Variants in FBN1 observed in about 807,000 individuals in gnomAD.
The protein encoded by FBN1 is fibrillin-1.
In FBN1, 29 loss-of-function variants were observed where a neutral mutation model predicts 365.1. The ratio of observed to expected loss-of-function variants is 0.08; its 90% CI spans 0.06 to 0.11. The LOEUF is 0.11. FBN1 is among the 10% of genes least tolerant of loss of function. FBN1 has a pLI of 1.00. For missense variants in FBN1, 2,476 were observed against 3,703.2 expected, an observed-to-expected ratio of 0.67 and a Z score of 8.60; for synonymous variants, 1,210 against 1,270.5, an observed-to-expected ratio of 0.95 and a Z score of 1.01.
intron 2 of FBN1, among the ~76,000 whole-genome samples, chr15:48,629,027 G>A (rs1472730781): frequency 6.6e-6 from 1 of 152,210 alleles, no homozygotes; most frequent in Non-Finnish European, 1.5e-5. Flanking sequence ...TCACTGGACT[G>A]CAAGAAACTC....
chr15:48,565,071 G>A (rs1410179366), intron 6 of FBN1, among the ~76,000 whole-genome samples: 3 of 152,094 alleles, frequency 2.0e-5, no homozygotes, highest in Admixed American at 6.6e-5. Context: ...ATAATTCATT[G>A]GGGGATATCA....
chr15:48,621,861 G>T (rs899352686), intron 2 of FBN1, among the ~76,000 whole-genome samples: 3 of 151,796 alleles, frequency 2.0e-5, no homozygotes, highest in Admixed American at 6.5e-5. Flanking sequence ...AGCCGGGCGT[G>T]GTGGCGGGCG....
At chr15:48,437,184 A>C in intron 52 of FBN1, 107 bp from the exon 53 acceptor site, 1 of 1,104,794 alleles carries the variant, frequency 9.1e-7, no homozygotes, top group Non-Finnish European at 1.4e-6. Context: ...TAATGCAATA[A>C]TATAATTGCT....
Position 48,437,064 on chromosome 15 carries a change from G to A in FBN1, c.6393C>T (p.Cys2131=), listed in dbSNP as rs61730051. The change falls in exon 53 of 66, where the codon TGC becomes TGT. Residue 2131 remains cysteine (C), a synonymous_variant. Coordinates refer to ENST00000316623, the MANE Select transcript of FBN1 (RefSeq NM_000138.5). ...CATGTTTACAGACATCGGGTTCTTT[G>A]CATTCGTCCATATCTTAAGCAAGAG... ...PDDSAVDMDE[C]KEPDVCKHGQ... 1,384 of 1,610,894 alleles carry A rather than the reference G, an allele frequency of 8.6e-4. 9 individuals are homozygous for A. The African/African-American group carries it at 0.017, about 20-fold the overall frequency.
chr15:48,553,503 G>A (rs776464360), intron 6 of FBN1, among the ~76,000 whole-genome samples: 3 of 152,152 alleles, frequency 2.0e-5, no homozygotes, highest in South Asian at 2.1e-4. Context: ...ATAGGGTAAC[G>A]GTACTGACAC....
At position 48,468,110 on chromosome 15, in the gene FBN1, C is replaced by G. The variant is rs910464222; in HGVS notation, c.4583-8G>C. On this transcript the variant is annotated splice_polypyrimidine_tract_variant and splice_region_variant and intron_variant, in intron 37 of 65. Transcript: ENST00000316623. ...AATTTCCAGAGCGGGTATCTATTTA[C>G]CATATACAAACACAAAAGCATCAGG... 3.1e-6 allele frequency: 5 copies of G among 1,613,862 alleles called. No individual in the cohort carries two copies. The highest frequency in any genetic ancestry group is 1.7e-6 in the Non-Finnish European group (2 of 1,179,944).
intron 2 of FBN1, among the ~76,000 whole-genome samples, chr15:48,638,475 T>C (rs1359087465): frequency 6.6e-6 from 1 of 152,250 alleles, no homozygotes; most frequent in African/African-American, 2.4e-5. Context: ...CTAGTTTATG[T>C]CCCTGGAGTA....
rs1168629711 is a variant in FBN1 at position 48,534,210 on chromosome 15, C to CA, written c.737-6dup. Reference sequence around the variant, plus strand: ...TGGCCTGGCATTCATCCACATCTGTCAGATTACAGAAGACAGAGAGAAAAA... The same window carrying CA: ...TGGCCTGGCATTCATCCACATCTGTCAAGATTACAGAAGACAGAGAGAAAAA... On this transcript the variant is annotated splice_polypyrimidine_tract_variant and splice_region_variant and intron_variant, in intron 7 of 65. Transcript: ENST00000316623. 1.9e-6 allele frequency: 3 copies of CA among 1,605,758 alleles called. No homozygotes were observed. The African/African-American group carries it at 4.1e-5, about 22-fold the overall frequency.
chr15:48,540,323 C>T (rs922429987), intron 6 of FBN1, among the ~76,000 whole-genome samples: 7 of 151,952 alleles, frequency 4.6e-5, no homozygotes, highest in Admixed American at 3.3e-4. Context: ...TATTATCGTA[C>T]GTAAGATTTT....
At chr15:48,585,081 A>G (rs959920357) in intron 6 of FBN1, among the ~76,000 whole-genome samples, 11 of 152,240 alleles carry the variant, frequency 7.2e-5, no homozygotes, top group African/African-American at 2.7e-4. Flanking sequence ...CAAATGGTTC[A>G]TGAAGAGCTA....
chr15:48,413,186 C>T (rs1398874050), intron 64 of FBN1, among the ~76,000 whole-genome samples: 1 of 152,206 alleles, frequency 6.6e-6, no homozygotes, highest in Non-Finnish European at 1.5e-5. Context: ...CTTGCATTCT[C>T]CCACTTCCAT....
At chr15:48,455,578 C>G (rs2043232651) in intron 44 of FBN1, among the ~76,000 whole-genome samples, 1 of 152,190 alleles carries the variant, frequency 6.6e-6, no homozygotes, top group Admixed American at 6.5e-5. Flanking sequence ...CACATCCATG[C>G]TTCCTCTCCA....
intron 6 of FBN1, among the ~76,000 whole-genome samples, chr15:48,577,809 T>C (rs1017679949): frequency 6.6e-6 from 1 of 152,208 alleles, no homozygotes; most frequent in Admixed American, 6.5e-5. Flanking sequence ...AGCCAGCTAA[T>C]AGGGCATGAT....
chr15:48,559,013 T>C (rs563680828), intron 6 of FBN1, among the ~76,000 whole-genome samples: 1 of 152,294 alleles, frequency 6.6e-6, no homozygotes, highest in Admixed American at 6.5e-5. Flanking sequence ...AAGTTCAGAC[T>C]AGGAAGCAGG....
chr15:48,415,483 T>C, intron 64 of FBN1, 53 bp downstream of exon 64: 1 of 1,345,072 alleles, frequency 7.4e-7, no homozygotes, highest in East Asian at 2.3e-5. Context: ...GTATACTTAA[T>C]TATATTACGA....
intron 4 of FBN1, among the ~76,000 whole-genome samples, chr15:48,606,145 C>T (rs895014928): frequency 9.2e-5 from 14 of 152,088 alleles, no homozygotes; most frequent in Admixed American, 3.3e-4. Context: ...ATGGTACATA[C>T]GGCGACTCCA....
chr15:48,565,815 G>T (rs2044255432), intron 6 of FBN1, among the ~76,000 whole-genome samples: 1 of 152,134 alleles, frequency 6.6e-6, no homozygotes, highest in African/African-American at 2.4e-5. Flanking sequence ...TTATCTTCAA[G>T]ATTCTAAACT....
intron 18 of FBN1, among the ~76,000 whole-genome samples, chr15:48,498,055 C>T (rs1298824729): frequency 2.0e-5 from 3 of 149,636 alleles, no homozygotes; most frequent in Non-Finnish European, 4.4e-5. Context: ...GTGGGGCCCT[C>T]CCTCTTCTGT....
chr15:48,410,806 G>T lies in FBN1; in HGVS notation c.*184C>A. 1 of 607,140 alleles carries T rather than the reference G, an allele frequency of 1.6e-6. No homozygotes were observed. Among genetic ancestry groups the T allele is most frequent in the East Asian group, 2.8e-5 (1 of 35,570 alleles). 37.6% of individuals were successfully genotyped at this position (607,140 alleles called of 1,614,324 possible). The stretch of plus-strand genomic sequence containing the variant: ...ACACACATGAGAAGCCTGAGAAAGT[G>T]GTTGTTTTGAACTAGGGTAGTCACC... On this transcript the variant is annotated 3_prime_UTR_variant, in exon 66 of 66. Transcript: ENST00000316623.
Sources: gnomAD v4.1 joint callset for allele counts (sites outside exome capture counted in the v4.1 genomes callset) on GRCh38, gnomAD v4.1.1 for gene constraint, MANE v1.5 for transcripts, NCBI Gene and HGNC (gene_info 2026-07-23, HGNC 2026-07-21) for gene names.